The following PIK3R5 variants were observed in gnomAD, a reference collection of about 807,000 sequenced individuals.
The protein encoded by PIK3R5 is phosphoinositide 3-kinase regulatory subunit 5.
PIK3R5 carries 32 observed loss-of-function variants against 94.9 expected under a neutral mutation model. That is an observed-to-expected ratio of 0.34 (90% CI 0.25 to 0.45). The LOEUF (loss-of-function observed/expected upper bound fraction) is 0.45. PIK3R5 is among the 20% of genes least tolerant of loss of function. The probability of loss-of-function intolerance (pLI) is 1.00; values close to 1 mark genes in which losing one functional copy is unlikely to be tolerated. For synonymous variants in PIK3R5, 443 were observed against 479.4 expected (o/e 0.92, Z 0.99); for missense variants, 853 against 1,144.6 (o/e 0.75, Z 3.68).
At position 8,893,527 on chromosome 17, in the gene PIK3R5, A is replaced by G; in HGVS notation, c.482+59T>C. On this transcript the variant is annotated intron_variant, in intron 6 of 18. Transcript: ENST00000447110. This position sits in a 1 kb window ranked among gnomAD's most constrained non-coding sequence, Gnocchi z 5.1. Reference sequence around the variant, plus strand: ...AGTGGGGGAGGAGGGTGAAGGTGGAACAGTGCAGGGGTCCCAAACTCCCTC... The same window carrying G: ...AGTGGGGGAGGAGGGTGAAGGTGGAGCAGTGCAGGGGTCCCAAACTCCCTC... 6 of 1,335,092 alleles carry G rather than the reference A, an allele frequency of 4.5e-6. No individual in the cohort carries two copies. The highest frequency in any genetic ancestry group is 4.6e-5 in the East Asian group (2 of 43,098). 82.7% of individuals were successfully genotyped at this position (1,335,092 alleles called of 1,614,324 possible).
chr17:8,913,604 C>T (rs1272121138), intron 1 of PIK3R5, among the ~76,000 whole-genome samples: 4 of 152,194 alleles, frequency 2.6e-5, no homozygotes, highest in Middle Eastern at 3.4e-3. Context: ...CCCAGTTACC[C>T]GGGAGGCTGA....
intron 15 of PIK3R5, among the ~76,000 whole-genome samples, chr17:8,883,811 C>G (rs2089742526): frequency 6.6e-6 from 1 of 152,186 alleles, no homozygotes; most frequent in Non-Finnish European, 1.5e-5. Flanking sequence ...TCTCCTGGGA[C>G]CACGTCTGTC....
intron 5 of PIK3R5, among the ~76,000 whole-genome samples, chr17:8,900,201 A>G (rs1450291486): frequency 6.6e-6 from 1 of 152,216 alleles, no homozygotes; most frequent in African/African-American, 2.4e-5. Context: ...TTTGTTCAAT[A>G]GAAAAGATAA....
rs1299935686 is a variant in PIK3R5 at position 8,925,796 on chromosome 17, T to C, written c.-13-14289A>G. 6.6e-6 allele frequency among the ~76,000 whole-genome samples: 1 copy of C among 152,234 alleles called. No homozygotes were observed. Among genetic ancestry groups the C allele is most frequent in the African/African-American group, 2.4e-5 (1 of 41,454 alleles). On this transcript the variant is annotated intron_variant, in intron 1 of 18. Transcript: ENST00000447110. The surrounding 1 kb of genome is among the most constrained non-coding windows in gnomAD (Gnocchi z 5.1). ...TCCTTGGATGCTTCATCCCCTTTTGTCTTTTCCTTTAATGCAGATAGATGC... is the reference window on the plus strand; with the variant it reads ...TCCTTGGATGCTTCATCCCCTTTTGCCTTTTCCTTTAATGCAGATAGATGC...
intron 1 of PIK3R5, among the ~76,000 whole-genome samples, chr17:8,958,827 C>T (rs563244678): frequency 2.0e-5 from 3 of 151,118 alleles, no homozygotes; most frequent in African/African-American, 7.3e-5. Flanking sequence ...GGCGCGATCT[C>T]GGCTCACCAC....
Position 8,909,414 on chromosome 17 carries a change from C to T in PIK3R5, c.104-240G>A, listed in dbSNP as rs986900872. ...AAGCGATTCCCCTGCCTCAGCCTCC[C>T]AAGTAGCTGGGATTACAGGCACGTG... On this transcript the variant is annotated intron_variant, in intron 2 of 18. Transcript: ENST00000447110. This position sits in a 1 kb window ranked among gnomAD's most constrained non-coding sequence, Gnocchi z 4.3. 1.3e-5 allele frequency among the ~76,000 whole-genome samples: 2 copies of T among 152,150 alleles called. No homozygotes were observed. The highest frequency in any genetic ancestry group is 4.8e-5 in the African/African-American group (2 of 41,440).
intron 1 of PIK3R5, among the ~76,000 whole-genome samples, chr17:8,919,139 TAGAACAGAA>T (rs1284780866): frequency 2.0e-5 from 3 of 152,204 alleles, no homozygotes; most frequent in Admixed American, 1.3e-4. Flanking sequence ...TACTGAATTG[TAGAACAGAA>T]AGAGAACATT....
Position 8,905,835 on chromosome 17 carries a change from T to C in PIK3R5, c.205-98A>G, listed in dbSNP as rs1319079155. The stretch of plus-strand genomic sequence containing the variant: ...TTCTTCCTCATTCTAGCCTTTCTTT[T>C]TTTTTTTTTTTTAGGGGAAAATAGT... On this transcript the variant is annotated intron_variant, in intron 3 of 18. Coordinates refer to ENST00000447110, the MANE Select transcript of PIK3R5 (RefSeq NM_001142633.3). 5 of 570,490 alleles carry C rather than the reference T, an allele frequency of 8.8e-6. 1 individual carries two copies. In the East Asian group the frequency reaches 1.1e-4, roughly 13 times the overall value. 35.3% of individuals were successfully genotyped at this position (570,490 alleles called of 1,614,324 possible).
Position 8,881,890 on chromosome 17 carries a change from G to A in PIK3R5, c.2206-9C>T. 6.2e-7 allele frequency: 1 copy of A among 1,609,050 alleles called. No individual in the cohort carries two copies. Among genetic ancestry groups the A allele is most frequent in the South Asian group, 1.1e-5 (1 of 90,492 alleles). ...CGTCCACTGATGGCCCCCTGGAAATGCAGTGTAGCCAGACCCTCTGAGTCC... is the reference window on the plus strand; with the variant it reads ...CGTCCACTGATGGCCCCCTGGAAATACAGTGTAGCCAGACCCTCTGAGTCC... On this transcript the variant is annotated splice_polypyrimidine_tract_variant and intron_variant, in intron 15 of 18. Coordinates refer to ENST00000447110, the MANE Select transcript of PIK3R5 (RefSeq NM_001142633.3). This position sits in a 1 kb window ranked among gnomAD's most constrained non-coding sequence, Gnocchi z 4.8.
chr17:8,931,593 G>A (rs1035528201), intron 1 of PIK3R5, among the ~76,000 whole-genome samples: 2 of 152,148 alleles, frequency 1.3e-5, no homozygotes, highest in Admixed American at 6.5e-5. Context: ...AGAAATTGGA[G>A]TTTGGAACTC....
Position 8,893,962 on chromosome 17 carries a change from TC to T in PIK3R5, c.413-308del. The T allele has an allele frequency of 4.3e-6, 1 of 232,244 alleles. No individual in the cohort carries two copies. The highest frequency in any genetic ancestry group is 8.2e-5 in the South Asian group (1 of 12,164). 14.4% of individuals were successfully genotyped at this position (232,244 alleles called of 1,614,324 possible). A position where few individuals can be genotyped will look rare whatever the true frequency, so the allele number is the denominator to read the frequency against. ...CCCTCCCTTCCTAAGAGCTTTCCACTCCCCTTGTGGCTCAGGTCCCGGCTCC... is the reference window on the plus strand; with the variant it reads ...CCCTCCCTTCCTAAGAGCTTTCCACTCCCTTGTGGCTCAGGTCCCGGCTCC... On this transcript the variant is annotated intron_variant, in intron 5 of 18. Coordinates refer to ENST00000447110, the MANE Select transcript of PIK3R5 (RefSeq NM_001142633.3). This position sits in a 1 kb window ranked among gnomAD's most constrained non-coding sequence, Gnocchi z 5.1.
At position 8,945,011 on chromosome 17, in the gene PIK3R5, G is replaced by C. The variant is rs1283059593; in HGVS notation, c.-14+20585C>G. Among the ~76,000 whole-genome samples the C allele has an allele frequency of 6.6e-6, 1 of 152,198 alleles. No homozygotes were observed. The highest frequency in any genetic ancestry group is 1.5e-5 in the Non-Finnish European group (1 of 68,032). On this transcript the variant is annotated intron_variant, in intron 1 of 18. Transcript: ENST00000447110. The surrounding 1 kb of genome is among the most constrained non-coding windows in gnomAD (Gnocchi z 4.0). ...CTTGAGAAAGTCAGGGTGTGGAAGA[G>C]GTTCTTCCTCTCCAGGAAGATGCTG...
chr17:8,937,480 T>G (rs2091096363), intron 1 of PIK3R5, among the ~76,000 whole-genome samples: 1 of 152,236 alleles, frequency 6.6e-6, no homozygotes, highest in Non-Finnish European at 1.5e-5. Flanking sequence ...ATGTTTCTTC[T>G]GTATCTAGTT....
At chr17:8,886,105 C>T (rs1032004183) in intron 14 of PIK3R5, 124 bp downstream of exon 14, 5 of 734,674 alleles carry the variant, frequency 6.8e-6, no homozygotes, top group African/African-American at 3.4e-5. Flanking sequence ...CCCCAGGGGC[C>T]TACCTCCTGT....
chr17:8,921,586 TA>T (rs1357185805), intron 1 of PIK3R5, among the ~76,000 whole-genome samples: 1 of 152,158 alleles, frequency 6.6e-6, no homozygotes, highest in African/African-American at 2.4e-5. Context: ...ATTATCTAAC[TA>T]TGCAAATAAA....
rs1412009135 is a variant in PIK3R5, at chr17:8,909,207, C to T, written c.104-33G>A. The T allele has an allele frequency of 7.3e-7, 1 of 1,372,290 alleles. No individual in the cohort carries two copies. Among genetic ancestry groups the T allele is most frequent in the African/African-American group, 1.4e-5 (1 of 69,726 alleles). The allele number at this position is 1,372,290 out of a possible 1,614,324, so 85.0% of individuals were successfully genotyped here. A position where few individuals can be genotyped will look rare whatever the true frequency, so the allele number is the denominator to read the frequency against. On this transcript the variant is annotated intron_variant, in intron 2 of 18. Transcript: ENST00000447110. The surrounding 1 kb of genome is among the most constrained non-coding windows in gnomAD (Gnocchi z 4.3). ...AGGAGAGAGAGGCAAGGGGTCAGTT[C>T]TGGTGTCTTCCAGTCACACTCAGGC...
At position 8,909,437 on chromosome 17, in the gene PIK3R5, G is replaced by A. The variant is rs1208340738; in HGVS notation, c.104-263C>T. Among the ~76,000 whole-genome samples the A allele has an allele frequency of 3.3e-5, 5 of 152,170 alleles. No individual in the cohort carries two copies. Among genetic ancestry groups the A allele is most frequent in the African/African-American group, 9.6e-5 (4 of 41,520 alleles). On this transcript the variant is annotated intron_variant, in intron 2 of 18. Coordinates refer to ENST00000447110, the MANE Select transcript of PIK3R5 (RefSeq NM_001142633.3). The surrounding 1 kb of genome is among the most constrained non-coding windows in gnomAD (Gnocchi z 4.3). The stretch of plus-strand genomic sequence containing the variant: ...CCCAAGTAGCTGGGATTACAGGCAC[G>A]TGCCACCGCACCCAGCTAATTTTTG...
chr17:8,923,914 TC>T (rs1469049537), intron 1 of PIK3R5, among the ~76,000 whole-genome samples: 4 of 72,350 alleles, frequency 5.5e-5, no homozygotes, highest in Non-Finnish European at 7.9e-5. Flanking sequence ...CCCCTTCCCT[TC>T]CCTTTTCAAG....
In PIK3R5 at chr17:8,889,900, T is replaced by TA. The variant is rs1209713947; in HGVS notation, c.811+72_811+73insT. The TA allele has an allele frequency of 6.5e-7, 1 of 1,549,736 alleles. No homozygotes were observed. On this transcript the variant is annotated intron_variant, in intron 8 of 18. Transcript: ENST00000447110. This position sits in a 1 kb window ranked among gnomAD's most constrained non-coding sequence, Gnocchi z 4.1. ...GTGGAGCAGAGCCACCAGGCCCGCC[T>TA]GGACCGTGCACCTTGGGACCTAGAA...
Sources: allele counts gnomAD v4.1 joint callset (sites outside exome capture counted in the v4.1 genomes callset), GRCh38; gene constraint gnomAD v4.1.1; non-coding constraint Gnocchi (gnomAD v3.1); transcripts MANE v1.5; gene names NCBI Gene and HGNC (gene_info 2026-07-23, HGNC 2026-07-21).